CORO1C: variants seen among roughly 807,000 people sequenced by gnomAD.
The protein encoded by CORO1C is coronin 1C.
Under a neutral mutation model 51.2 loss-of-function variants are expected in CORO1C, and 14 were observed. That is an observed-to-expected ratio of 0.27 (90% CI 0.18 to 0.43). CORO1C has a LOEUF of 0.43. CORO1C is among the 20% of genes least tolerant of loss of function. CORO1C has a pLI of 1.00. For synonymous variants in CORO1C, 181 were observed against 210.5 expected (o/e 0.86, Z 1.21); for missense variants, 417 against 607.8 (o/e 0.69, Z 3.30).
At chr12:108,654,032 G>A (rs997863674) in intron 7 of CORO1C, among the ~76,000 whole-genome samples, 12 of 152,076 alleles carry the variant, frequency 7.9e-5, no homozygotes, top group East Asian at 1.9e-4. Flanking sequence ...TCACAAGAGC[G>A]CCCTGATTGG....
intron 3 of CORO1C, among the ~76,000 whole-genome samples, chr12:108,665,614 G>A (rs2033446451): frequency 6.6e-6 from 1 of 152,176 alleles, no homozygotes; most frequent in South Asian, 2.1e-4. Context: ...AATCCTGCCT[G>A]GGCCACTACC....
intron 2 of CORO1C, among the ~76,000 whole-genome samples, chr12:108,692,932 C>T (rs559854433): frequency 2.0e-5 from 3 of 151,314 alleles, no homozygotes; most frequent in Admixed American, 1.3e-4. Context: ...CGATTAGCTG[C>T]GATAACAGGC....
rs778889131 is a variant in CORO1C at position 108,678,373 on chromosome 12, A to G, written c.217T>C (p.Tyr73His). 6.3e-7 allele frequency: 1 copy of G among 1,594,574 alleles called. No individual in the cohort carries two copies. Among genetic ancestry groups the G allele is most frequent in the South Asian group, 1.1e-5 (1 of 88,448 alleles). The change falls in exon 3 of 11, where the codon TAC becomes CAC. Residue 73 changes from tyrosine (Y) to histidine (H), a missense_variant. Transcript: ENST00000261401. The stretch of plus-strand genomic sequence containing the variant: ...CCTGTGTGGCCACATACTGTAGGGT[A>G]AGATTTGTCAATTCGACCAGTCTGA... Reference protein sequence around the residue: ...LHKTGRIDKSYPTVCGHTGPV... With the variant: ...LHKTGRIDKSHPTVCGHTGPV...
At chr12:108,652,719 G>A (rs1050654339) in intron 7 of CORO1C, among the ~76,000 whole-genome samples, 11 of 152,170 alleles carry the variant, frequency 7.2e-5, no homozygotes, top group Non-Finnish European at 1.2e-4. Context: ...AAATGTTAAT[G>A]CCTCTGCCAA....
rs948974808 is a variant in CORO1C, at chr12:108,719,786, C to T, written c.-6+11643G>A. ...ACAGCTTTTTCAATGGCTACCTTAA[C>T]TTTAAATCCCCTTGACAGAAATTAT... On this transcript the variant is annotated intron_variant, in intron 1 of 10. Coordinates refer to ENST00000261401, the MANE Select transcript of CORO1C (RefSeq NM_014325.4). Among the ~76,000 whole-genome samples, 10 of 152,240 alleles carry T rather than the reference C, an allele frequency of 6.6e-5. No individual in the cohort carries two copies. In the East Asian group the frequency reaches 1.7e-3, roughly 26 times the overall value.
chr12:108,725,590 G>C (rs182788868), intron 1 of CORO1C, among the ~76,000 whole-genome samples: 31 of 152,218 alleles, frequency 2.0e-4, no homozygotes, highest in African/African-American at 6.7e-4. Flanking sequence ...GCACCCTCAC[G>C]GCCTCAGTTC....
intron 1 of CORO1C, among the ~76,000 whole-genome samples, chr12:108,729,013 AAT>A (rs1434661634): frequency 2.0e-5 from 3 of 152,202 alleles, no homozygotes; most frequent in African/African-American, 7.2e-5. Context: ...ACCAATTAAT[AAT>A]ATGTTTCTAA....
At chr12:108,657,075 T>TA (rs904703562) in intron 6 of CORO1C, among the ~76,000 whole-genome samples, 22 of 151,826 alleles carry the variant, frequency 1.4e-4, no homozygotes, top group Middle Eastern at 6.3e-3. Flanking sequence ...ATTAAAAAAA[T>TA]AAAAAATATA....
chr12:108,677,430 T>C (rs1487247586), intron 3 of CORO1C, among the ~76,000 whole-genome samples: 1 of 152,260 alleles, frequency 6.6e-6, no homozygotes, highest in Non-Finnish European at 1.5e-5. Context: ...TTTGTTTGTA[T>C]ATCTTTATGA....
intron 1 of CORO1C, among the ~76,000 whole-genome samples, chr12:108,708,919 A>AT (rs201679556): frequency 3.4e-5 from 5 of 148,282 alleles, no homozygotes; most frequent in Admixed American, 6.7e-5. Context: ...CACCAGGCTA[A>AT]TTTTTTTTTT....
At chr12:108,677,224 T>C (rs1387597110) in intron 3 of CORO1C, among the ~76,000 whole-genome samples, 1 of 152,226 alleles carries the variant, frequency 6.6e-6, no homozygotes, top group Non-Finnish European at 1.5e-5. Context: ...CATTTGTGTT[T>C]ATGCCTAACC....
intron 3 of CORO1C, among the ~76,000 whole-genome samples, chr12:108,669,152 T>A (rs1223816713): frequency 6.6e-6 from 1 of 152,242 alleles, no homozygotes; most frequent in Non-Finnish European, 1.5e-5. Context: ...TTAAGATTGG[T>A]GTTCCCTCTC....
chr12:108,712,780 A>G (rs1171633933), intron 1 of CORO1C, among the ~76,000 whole-genome samples: 1 of 151,590 alleles, frequency 6.6e-6, no homozygotes, highest in East Asian at 1.9e-4. Context: ...CCAGGGGTTC[A>G]AGACCAGCCT....
At chr12:108,713,195 G>T (rs1275055000) in intron 1 of CORO1C, among the ~76,000 whole-genome samples, 5 of 152,126 alleles carry the variant, frequency 3.3e-5, no homozygotes, top group Non-Finnish European at 5.9e-5. Context: ...ATACACAACA[G>T]ATCTCCTCAT....
intron 2 of CORO1C, chr12:108,696,393 T>A (rs186033239): frequency 7.2e-6 from 1 of 138,934 alleles, no homozygotes; most frequent in African/African-American, 2.6e-5. Flanking sequence ...CTTGTTGTGA[T>A]ATGAAGTGTG....
At chr12:108,687,544 G>A (rs552193352) in intron 2 of CORO1C, among the ~76,000 whole-genome samples, 1 of 151,902 alleles carries the variant, frequency 6.6e-6, no homozygotes, top group Non-Finnish European at 1.5e-5. Flanking sequence ...CAGCACTTTG[G>A]GAGGCTGAGG....
chr12:108,678,492 A>C, intron 2 of CORO1C, 98 bp from the exon 3 acceptor site: 1 of 1,062,856 alleles, frequency 9.4e-7, no homozygotes, highest in South Asian at 2.2e-5. Flanking sequence ...TCCACCCAAA[A>C]CTCTCAATTT....
At position 108,686,892 on chromosome 12, in the gene CORO1C, G is replaced by A. The variant is rs532138115; in HGVS notation, c.196-8498C>T. Among the ~76,000 whole-genome samples, 7 of 152,298 alleles carry A rather than the reference G, an allele frequency of 4.6e-5. No individual in the cohort carries two copies. In the South Asian group the frequency reaches 1.4e-3, roughly 32 times the overall value. On this transcript the variant is annotated intron_variant, in intron 2 of 10. Transcript: ENST00000261401. ...CCGAAAGGAAAATTCAGCTTCCAAA[G>A]CATGTATACAGCTGGCACAAGGGAG...
intron 1 of CORO1C, among the ~76,000 whole-genome samples, chr12:108,716,109 T>C (rs1021016251): frequency 2.2e-5 from 2 of 91,962 alleles, no homozygotes; most frequent in Non-Finnish European, 3.9e-5. Flanking sequence ...AGCTTGGCAA[T>C]AGAACGAGAC....
Sources: allele counts gnomAD v4.1 joint callset (sites outside exome capture counted in the v4.1 genomes callset), GRCh38; gene constraint gnomAD v4.1.1; transcripts MANE v1.5; gene names NCBI Gene and HGNC (gene_info 2026-07-23, HGNC 2026-07-21).